Variants in ATP10B observed in about 807,000 individuals in gnomAD.
ATP10B encodes the protein phospholipid-transporting ATPase VB.
In ATP10B, 122 loss-of-function variants were observed where a neutral mutation model predicts 141.2. That is an observed-to-expected ratio of 0.86 (90% CI 0.75 to 1.00). ATP10B has a LOEUF of 1.00. Ranked by LOEUF, ATP10B falls within the 50% of genes least tolerant of loss-of-function variation. ATP10B has a pLI of 0.00. For synonymous variants in ATP10B, 685 were observed against 692.0 expected, an observed-to-expected ratio of 0.99 and a Z score of 0.16; for missense variants, 1,876 against 1,825.3, an observed-to-expected ratio of 1.03 and a Z score of -0.51.
At chr5:160,924,458 C>CCTT in the ATP10B span, among the ~76,000 whole-genome samples, 1 of 152,160 alleles carries the variant, frequency 6.6e-6, no homozygotes, top group East Asian at 1.9e-4. Flanking sequence ...ATAGTAAATA[C>CCTT]TCAATAAAAG....
At chr5:160,568,959 A>G (rs1485899705) in intron 25 of ATP10B, among the ~76,000 whole-genome samples, 3 of 152,204 alleles carry the variant, frequency 2.0e-5, no homozygotes, top group Non-Finnish European at 4.4e-5. Context: ...AAATTTGAAT[A>G]GTATTTAAAC....
intron 1 of ATP10B, among the ~76,000 whole-genome samples, chr5:160,816,544 T>C (rs1005466367): frequency 6.6e-6 from 1 of 152,162 alleles, no homozygotes; most frequent in African/African-American, 2.4e-5. Flanking sequence ...CAGGACCACA[T>C]GGATTCACAG....
At chr5:160,783,596 CAT>C (rs1554115731) in intron 2 of ATP10B, among the ~76,000 whole-genome samples, 1,728 of 104,646 alleles carry the variant, frequency 0.017, 24 homozygotes, top group Non-Finnish European at 0.022. Flanking sequence ...CACACACACA[CAT>C]ACACACACAC....
intron 1 of ATP10B, among the ~76,000 whole-genome samples, chr5:160,793,793 A>AATT (rs758735918): frequency 1.4e-4 from 21 of 152,248 alleles, no homozygotes; most frequent in Non-Finnish European, 3.1e-4. Flanking sequence ...ACCCTAATGC[A>AATT]AGTGTACCAT....
chr5:160,604,509 A>T (rs1757271418), intron 19 of ATP10B, among the ~76,000 whole-genome samples: 1 of 152,222 alleles, frequency 6.6e-6, no homozygotes, highest in African/African-American at 2.4e-5. Flanking sequence ...AACTTGAAAT[A>T]CCATATCAAG....
chr5:160,735,096 T>TAA (rs749051676), intron 2 of ATP10B, among the ~76,000 whole-genome samples: 10 of 128,480 alleles, frequency 7.8e-5, no homozygotes, highest in African/African-American at 2.8e-4. Context: ...AAGAGAAGAT[T>TAA]AAAAAAAAAA....
At position 160,656,765 on chromosome 5, in the gene ATP10B, C is replaced by T. The variant is rs954452685; in HGVS notation, c.676-7509G>A. Among the ~76,000 whole-genome samples, 4 of 152,036 alleles carry T rather than the reference C, an allele frequency of 2.6e-5. No homozygotes were observed. The South Asian group carries it at 8.3e-4, about 32-fold the overall frequency. On this transcript the variant is annotated intron_variant, in intron 7 of 25. Coordinates refer to ENST00000327245, the MANE Select transcript of ATP10B (RefSeq NM_025153.3). ...TACAGGGTTAGAAGAACATCTTAGA[C>T]CACTTTGAAATCCCTCCGTGTCCAT...
At chr5:160,823,766 G>A (rs1488299375) in intron 1 of ATP10B, among the ~76,000 whole-genome samples, 8 of 152,096 alleles carry the variant, frequency 5.3e-5, no homozygotes, top group Non-Finnish European at 7.4e-5. Flanking sequence ...CCCAGTAGGC[G>A]GAGCTTGCAG....
Position 160,607,090 on chromosome 5 carries a change from TAAA to T in ATP10B, c.2839-7_2839-5del. ...TGAGGATGGATTCACAGGTCTCCTA[TAAA>T]GAAGCATAATAATACAGTATTTGTA... is the stretch of plus-strand genomic sequence containing the variant. On this transcript the variant is annotated splice_region_variant and splice_polypyrimidine_tract_variant and intron_variant, in intron 18 of 25. Transcript: ENST00000327245. 6.2e-7 allele frequency: 1 copy of T among 1,608,660 alleles called. No individual in the cohort carries two copies. Among genetic ancestry groups the T allele is most frequent in the Non-Finnish European group, 8.5e-7 (1 of 1,176,150 alleles).
At chr5:160,700,711 T>C (rs1018995878) in intron 3 of ATP10B, among the ~76,000 whole-genome samples, 6 of 152,210 alleles carry the variant, frequency 3.9e-5, no homozygotes, top group Non-Finnish European at 7.3e-5. Context: ...AGATTAATAA[T>C]AACAGAGTTC....
At chr5:160,867,822 T>C in the ATP10B span, among the ~76,000 whole-genome samples, 2 of 152,122 alleles carry the variant, frequency 1.3e-5, no homozygotes, top group African/African-American at 2.4e-5. Context: ...TATAAGAATA[T>C]AGGAAAAAAT....
the ATP10B span, among the ~76,000 whole-genome samples, chr5:160,875,978 A>G: frequency 3.4e-5 from 2 of 59,174 alleles, no homozygotes; most frequent in African/African-American, 7.7e-5. Context: ...CAGATCAATG[A>G]GACAGAAAGT....
At chr5:160,709,044 T>C (rs910989781) in intron 3 of ATP10B, among the ~76,000 whole-genome samples, 10 of 151,972 alleles carry the variant, frequency 6.6e-5, no homozygotes, top group African/African-American at 2.2e-4. Context: ...CCTTGGAAAA[T>C]AGTGTTGAGA....
intron 2 of ATP10B, among the ~76,000 whole-genome samples, chr5:160,766,619 A>T (rs1331656479): frequency 6.6e-6 from 1 of 152,134 alleles, no homozygotes; most frequent in African/African-American, 2.4e-5. Flanking sequence ...ATGAGGGATA[A>T]AGACTACACA....
At chr5:160,708,484 A>G (rs1765154610) in intron 3 of ATP10B, among the ~76,000 whole-genome samples, 1 of 152,170 alleles carries the variant, frequency 6.6e-6, no homozygotes. Context: ...AATGTTCTCT[A>G]TCACAAATGC....
At position 160,611,311 on chromosome 5, in the gene ATP10B, G is replaced by A. The variant is rs530678833; in HGVS notation, c.2838+1430C>T. ...TAGCAGAACACATGGAAGCCCACTC[G>A]ATCTCCCTCTGGCTGGCTGCCTCAC... On this transcript the variant is annotated intron_variant, in intron 18 of 25. Coordinates refer to ENST00000327245, the MANE Select transcript of ATP10B (RefSeq NM_025153.3). 9.8e-4 allele frequency among the ~76,000 whole-genome samples: 149 copies of A among 152,242 alleles called. 1 individual carries two copies. Among genetic ancestry groups the A allele is most frequent in the African/African-American group, 3.3e-3 (138 of 41,556 alleles).
At chr5:160,657,223 T>C (rs1209331625) in intron 7 of ATP10B, among the ~76,000 whole-genome samples, 1 of 152,188 alleles carries the variant, frequency 6.6e-6, no homozygotes. Context: ...GCAAATGTTC[T>C]TCACGCCCCA....
At chr5:160,628,814 C>G (rs1758753018) in intron 13 of ATP10B, among the ~76,000 whole-genome samples, 1 of 152,108 alleles carries the variant, frequency 6.6e-6, no homozygotes, top group African/African-American at 2.4e-5. Flanking sequence ...TCTGCCAGTA[C>G]TATTAAACAT....
chr5:160,841,008 C>T (rs1199744048), intron 1 of ATP10B, among the ~76,000 whole-genome samples: 1 of 152,098 alleles, frequency 6.6e-6, no homozygotes, highest in East Asian at 1.9e-4. Flanking sequence ...GGTTGGAATG[C>T]AAAATCCTTA....
Sources: allele counts gnomAD v4.1 joint callset (sites outside exome capture counted in the v4.1 genomes callset), GRCh38; gene constraint gnomAD v4.1.1; transcripts MANE v1.5; gene names NCBI Gene and HGNC (gene_info 2026-07-23, HGNC 2026-07-21).